The following GGA3 variants were observed in gnomAD, a reference collection of about 807,000 sequenced individuals.
The protein encoded by GGA3 is ADP-ribosylation factor-binding protein GGA3.
A neutral mutation model predicts 77.5 loss-of-function variants in GGA3; 57 were observed. That is an observed-to-expected ratio of 0.74 (90% confidence interval 0.59 to 0.92). The LOEUF is 0.92. Ranked by LOEUF, GGA3 falls within the 40% of genes least tolerant of loss-of-function variation. The pLI, the probability that GGA3 is intolerant of heterozygous loss-of-function variation, is 0.00. For synonymous variants in GGA3, 416 were observed against 383.7 expected (o/e 1.08, Z -0.98); for missense variants, 970 against 914.9 (o/e 1.06, Z -0.78).
rs757310609 is a variant in GGA3 at position 75,238,362 on chromosome 17, T to C, written c.2089A>G (p.Thr697Ala). The change falls in exon 17 of 17, where the codon ACC becomes GCC. Residue 697 changes from threonine to alanine, a missense_variant. Coordinates refer to ENST00000537686, the MANE Select transcript of GGA3 (RefSeq NM_138619.4). ...KEKVRLRYKL[T>A]FALGEQLSTE... is the part of the protein sequence containing the mutation. ...CTCAGCTGCTCCCCCAGGGCGAAGG[T>C]CAGCTTATACCGAAGCCGCACCTTC... 6.2e-7 allele frequency: 1 copy of C among 1,613,754 alleles called. No individual in the cohort carries two copies. The highest frequency in any genetic ancestry group is 2.2e-5 in the East Asian group (1 of 44,860).
Position 75,239,520 on chromosome 17 carries a change from G to A in GGA3, c.1635C>T (p.Thr545=), listed in dbSNP as rs1020407957. 1 of 1,563,780 alleles carries A rather than the reference G, an allele frequency of 6.4e-7. No homozygotes were observed. Among genetic ancestry groups the A allele is most frequent in the East Asian group, 2.3e-5 (1 of 42,976 alleles). The change falls in exon 14 of 17, where the codon ACC becomes ACT. Residue 545 remains threonine, a synonymous_variant. Transcript: ENST00000537686. ...AGAAGGGCAGGAGGGGCCTGGCTGGGGTGGTGGTGGGGATGAGAGGGGAGG... is the reference window on the plus strand; with the variant it reads ...AGAAGGGCAGGAGGGGCCTGGCTGGAGTGGTGGTGGGGATGAGAGGGGAGG... The part of the protein sequence containing the change: ...PTTSPLIPTT[T]PARPLLPFST...
In GGA3 at chr17:75,242,841, A is replaced by G. The variant is rs777565423; in HGVS notation, c.599T>C (p.Met200Thr). 1.2e-6 allele frequency: 2 copies of G among 1,613,286 alleles called. No individual in the cohort carries two copies. Among genetic ancestry groups the G allele is most frequent in the South Asian group, 1.1e-5 (1 of 91,066 alleles). Residue 200 changes from methionine to threonine, a missense_variant, in exon 7 of 17, where the codon ATG becomes ACG. Met to Thr is a moderately conservative substitution (Grantham distance 81). Transcript: ENST00000537686. ...LQEANKLIKS[M>T]VKEDEARIQK... The stretch of plus-strand genomic sequence containing the variant: ...CCGGGGCCCACTCACTTCCTTCACC[A>G]TGGACTTGATGAGCTTGTTGGCCTC...
chr17:75,243,188 C>G, intron 5 of GGA3, 22 bp from the exon 6 acceptor site: 1 of 1,538,324 alleles, frequency 6.5e-7, no homozygotes, highest in Non-Finnish European at 8.9e-7. Context: ...CATGGCAGCA[C>G]GTGCACTCAG....
In GGA3 at chr17:75,237,818, G is replaced by A. The variant is rs2076372254; in HGVS notation, c.*461C>T. 7.0e-7 allele frequency: 1 copy of A among 1,428,828 alleles called. No individual in the cohort carries two copies. Among genetic ancestry groups the A allele is most frequent in the Non-Finnish European group, 9.1e-7 (1 of 1,096,878 alleles). 88.5% of individuals were successfully genotyped at this position (1,428,828 alleles called of 1,614,324 possible). A position where few individuals can be genotyped will look rare whatever the true frequency, so the allele number is the denominator to read the frequency against. On this transcript the variant is annotated 3_prime_UTR_variant, in exon 17 of 17. Coordinates refer to ENST00000537686, the MANE Select transcript of GGA3 (RefSeq NM_138619.4). ...GGAGCTGGTTGGCGGGGGAAGCATGGAATTGCAACAGGGCTGCAGCCCCTT... is the reference window on the plus strand; with the variant it reads ...GGAGCTGGTTGGCGGGGGAAGCATGAAATTGCAACAGGGCTGCAGCCCCTT...
At chr17:75,248,396 G>A (rs184521882) in intron 1 of GGA3, among the ~76,000 whole-genome samples, 41 of 143,278 alleles carry the variant, frequency 2.9e-4, no homozygotes, top group African/African-American at 1.0e-3. Flanking sequence ...GCGCGAACCC[G>A]GGGGGTGGAG....
intron 1 of GGA3, among the ~76,000 whole-genome samples, chr17:75,254,659 T>A (rs2077081399): frequency 6.6e-6 from 1 of 152,170 alleles, no homozygotes; most frequent in Admixed American, 6.5e-5. Context: ...CAGGACTTAA[T>A]TAACCTCGCC....
intron 11 of GGA3, 113 bp from the exon 12 acceptor site, chr17:75,240,525 G>A (rs529616659): frequency 2.1e-5 from 15 of 708,888 alleles, no homozygotes; most frequent in Non-Finnish European, 3.4e-5. Flanking sequence ...TGAAGGCGCC[G>A]GGAGAAGCTG....
intron 14 of GGA3, 64 bp downstream of exon 14, chr17:75,239,311 A>C: frequency 7.3e-7 from 1 of 1,363,050 alleles, no homozygotes; most frequent in Non-Finnish European, 1.0e-6. Context: ...TCCCTGTCGC[A>C]TGTCCTACAG....
intron 1 of GGA3, among the ~76,000 whole-genome samples, chr17:75,249,814 C>G (rs756339958): frequency 1.8e-4 from 28 of 152,224 alleles, no homozygotes; most frequent in Non-Finnish European, 3.2e-4. Flanking sequence ...CCCGAAGCAA[C>G]TGGTATTCAC....
chr17:75,239,683 C>G (rs2076461529), intron 13 of GGA3, 106 bp downstream of exon 13: 2 of 1,489,036 alleles, frequency 1.3e-6, no homozygotes, highest in East Asian at 4.5e-5. Flanking sequence ...GCCTTCCAGC[C>G]TGACTGATGG....
intron 4 of GGA3, among the ~76,000 whole-genome samples, chr17:75,244,231 C>A (rs2076676419): frequency 6.6e-6 from 1 of 152,168 alleles, no homozygotes; most frequent in Non-Finnish European, 1.5e-5. Context: ...CAGCGTGCAA[C>A]AGAACACGGC....
intron 1 of GGA3, among the ~76,000 whole-genome samples, chr17:75,249,769 T>C (rs1160445429): frequency 1.3e-5 from 2 of 152,184 alleles, no homozygotes; most frequent in African/African-American, 4.8e-5. Flanking sequence ...AAAAGCATCT[T>C]CTGAGTACAG....
intron 3 of GGA3, among the ~76,000 whole-genome samples, chr17:75,245,525 GTTTTT>G (rs142783790): frequency 6.7e-6 from 1 of 149,084 alleles, no homozygotes; most frequent in African/African-American, 2.5e-5. Context: ...GTTTTGTTAC[GTTTTT>G]TTTTTGTTTT....
chr17:75,261,836 C>G, upstream of GGA3: 1 of 1,528,902 alleles, frequency 6.5e-7, no homozygotes, highest in South Asian at 1.2e-5. Flanking sequence ...CTTTTTCACC[C>G]GTTTCCCGTC....
chr17:75,243,565 C>G lies in GGA3; in HGVS notation c.306G>C (p.Leu102=). The G allele has an allele frequency of 6.2e-7, 1 of 1,614,016 alleles. No homozygotes were observed. Among genetic ancestry groups the G allele is most frequent in the Non-Finnish European group, 8.5e-7 (1 of 1,179,966 alleles). The stretch of plus-strand genomic sequence containing the variant: ...TCACTTTCTCAGACACCCTGTCCCC[C>G]AGGTACTACATGGCAAAAGAAAATG... ...ELIKVVSPKY[L]GDRVSEKVKT... is the part of the protein sequence containing the mutation. Residue 102 remains leucine (L), a synonymous_variant, in exon 5 of 17, where the codon CTG becomes CTC. Coordinates refer to ENST00000537686, the MANE Select transcript of GGA3 (RefSeq NM_138619.4).
In GGA3 at chr17:75,238,323, C is replaced by T. The variant is rs769356364; in HGVS notation, c.2128G>A (p.Glu710Lys). ...LGEQLSTEVG[E>K]VDQFPPVEQW... ...TCCACAGGAGGGAACTGGTCCACCTCGCCCACCTCTGTGCTCAGCTGCTCC... is the reference window on the plus strand; with the variant it reads ...TCCACAGGAGGGAACTGGTCCACCTTGCCCACCTCTGTGCTCAGCTGCTCC... Residue 710 changes from glutamate (E) to lysine (K), a missense_variant, in exon 17 of 17, where the codon GAG becomes AAG. By Grantham distance (56) the Glu-to-Lys change is moderately conservative (BLOSUM62 1). Transcript: ENST00000537686. The T allele has an allele frequency of 2.9e-5, 47 of 1,613,712 alleles. No individual in the cohort carries two copies. Among genetic ancestry groups the T allele is most frequent in the Non-Finnish European group, 3.7e-5 (44 of 1,179,940 alleles).
chr17:75,254,117 C>G (rs968261481), intron 1 of GGA3, among the ~76,000 whole-genome samples: 1 of 152,152 alleles, frequency 6.6e-6, no homozygotes, highest in Non-Finnish European at 1.5e-5. Context: ...CGATTCCTCC[C>G]AAATCCTCCT....
intron 1 of GGA3, among the ~76,000 whole-genome samples, chr17:75,249,279 G>C (rs1035625847): frequency 6.6e-6 from 1 of 152,166 alleles, no homozygotes; most frequent in Admixed American, 6.5e-5. Context: ...CAGGTAAGGA[G>C]GTCAAGACCA....
Position 75,237,806 on chromosome 17 carries a change from G to C in GGA3, c.*473C>G, listed in dbSNP as rs535855815. 1 of 1,428,470 alleles carries C rather than the reference G, an allele frequency of 7.0e-7. No individual in the cohort carries two copies. 88.5% of individuals were successfully genotyped at this position (1,428,470 alleles called of 1,614,324 possible). ...GGGATGGCAGCAGGAGCTGGTTGGC[G>C]GGGGAAGCATGGAATTGCAACAGGG... is the stretch of plus-strand genomic sequence containing the variant. On this transcript the variant is annotated 3_prime_UTR_variant, in exon 17 of 17. Transcript: ENST00000537686.
Sources: gnomAD v4.1 joint callset for allele counts (sites outside exome capture counted in the v4.1 genomes callset) on GRCh38, gnomAD v4.1.1 for gene constraint, MANE v1.5 for transcripts, NCBI Gene and HGNC (gene_info 2026-07-23, HGNC 2026-07-21) for gene names.